PARG: variants seen among roughly 807,000 people sequenced by gnomAD.
The protein encoded by PARG is poly(ADP-ribose) glycohydrolase, also known as mitochondrial poly(ADP-ribose) glycohydrolase.
Under a neutral mutation model 113.0 loss-of-function variants are expected in PARG, and 35 were observed. The ratio of observed to expected loss-of-function variants is 0.31; its 90% CI spans 0.24 to 0.41. The LOEUF (loss-of-function observed/expected upper bound fraction) is 0.41, where lower values mean the gene tolerates loss of function less well. PARG is among the 10% of genes least tolerant of loss of function. The pLI is 1.00. For missense variants in PARG, 797 were observed against 1,169.4 expected (o/e 0.68, Z 4.64); for synonymous variants, 330 against 409.9 (o/e 0.81, Z 2.36).
intron 16 of PARG, 111 bp downstream of exon 16, chr10:49,832,692 C>A: frequency 1.8e-6 from 1 of 566,440 alleles, no homozygotes; most frequent in Non-Finnish European, 3.2e-6. Context: ...ATTCCTTTTC[C>A]TTTTCTCTTA....
intron 16 of PARG, among the ~76,000 whole-genome samples, chr10:49,824,477 TG>T (rs1776556107): frequency 6.6e-6 from 1 of 152,196 alleles, no homozygotes; most frequent in South Asian, 2.1e-4. Flanking sequence ...TAAATTAACC[TG>T]CAGGGAGCTT....
At position 49,941,986 on chromosome 10, in the gene PARG, G is replaced by T; in HGVS notation, c.-261C>A. The T allele has an allele frequency of 1.1e-6, 1 of 909,190 alleles. No homozygotes were observed. The highest frequency in any genetic ancestry group is 1.7e-6 in the Non-Finnish European group (1 of 584,624). 56.3% of individuals were successfully genotyped at this position (909,190 alleles called of 1,614,324 possible). On this transcript the variant is annotated 5_prime_UTR_variant, in exon 1 of 18. Transcript: ENST00000616448. ...GGATTCGTTCACTTTCCCACCACCG[G>T]AAAGCTGCCGTCAGGCGCTTCCGGC...
Position 49,932,165 on chromosome 10 carries a change from T to C in PARG, c.1390A>G (p.Met464Val). ...LGTPIEEMRR[M>V]PRCGIRLPLL... ...GGCAGCCGGATCCCACACCGAGGCA[T>C]TCTTCTCATCTCCTCAATGGGAGTT... Residue 464 changes from methionine to valine, a missense_variant, in exon 4 of 18, where the codon ATG becomes GTG. Met to Val is a conservative substitution (Grantham distance 21). This residue lies in a region of PARG where 252 missense variants were observed against 437.4 expected (regional missense o/e 0.58). Coordinates refer to ENST00000616448, the MANE Select transcript of PARG (RefSeq NM_003631.5). The C allele has an allele frequency of 1.9e-6, 3 of 1,607,080 alleles. No individual in the cohort carries two copies. Among genetic ancestry groups the C allele is most frequent in the Non-Finnish European group, 2.6e-6 (3 of 1,173,552 alleles).
At chr10:49,835,159 G>A (rs782534682) in intron 15 of PARG, among the ~76,000 whole-genome samples, 1 of 152,128 alleles carries the variant, frequency 6.6e-6, no homozygotes, top group Non-Finnish European at 1.5e-5. Flanking sequence ...GATAAGGATA[G>A]AGACCTTAAA....
At position 49,906,159 on chromosome 10, in the gene PARG, T is replaced by C. The variant is rs141928359; in HGVS notation, c.1737+9758A>G. 9.5e-3 allele frequency among the ~76,000 whole-genome samples: 1,353 copies of C among 142,058 alleles called. 15 individuals carry two copies. Among genetic ancestry groups the C allele is most frequent in the Non-Finnish European group, 0.015 (939 of 63,834 alleles). 93.2% of individuals were successfully genotyped at this position (142,058 alleles called of 152,430 possible). On this transcript the variant is annotated intron_variant, in intron 7 of 17. Transcript: ENST00000616448. ...GATGCTGCCGCTTTTTTTTTTTTTT[T>C]CCCAGTAGAAACAGGGTTTCACCAT...
chr10:49,920,595 C>T (rs1365356025), intron 6 of PARG, among the ~76,000 whole-genome samples: 1 of 133,146 alleles, frequency 7.5e-6, no homozygotes, highest in South Asian at 2.4e-4. Context: ...CACATATATA[C>T]ATATATACGT....
chr10:49,821,571 G>A (rs1380907701), intron 16 of PARG, among the ~76,000 whole-genome samples: 4 of 152,050 alleles, frequency 2.6e-5, no homozygotes, highest in African/African-American at 7.2e-5. Context: ...GTAAAGACAC[G>A]GTTTCACCAT....
At chr10:49,845,621 G>A (rs1469493635) in intron 13 of PARG, among the ~76,000 whole-genome samples, 4 of 152,108 alleles carry the variant, frequency 2.6e-5, no homozygotes, top group Non-Finnish European at 4.4e-5. Context: ...ATGTGGCTAA[G>A]CACAGTGGCT....
At chr10:49,865,825 T>A (rs556626679) in intron 10 of PARG, among the ~76,000 whole-genome samples, 1 of 150,932 alleles carries the variant, frequency 6.6e-6, no homozygotes, top group African/African-American at 2.4e-5. Context: ...TAACCCTACA[T>A]TCAAAGACTG....
intron 7 of PARG, among the ~76,000 whole-genome samples, chr10:49,898,244 T>C (rs1469283000): frequency 6.6e-6 from 1 of 152,280 alleles, no homozygotes; most frequent in African/African-American, 2.4e-5. Flanking sequence ...AATAGTGTTT[T>C]ATGAATTCTA....
At chr10:49,857,789 TTCAAAG>T (rs1205869828) in intron 12 of PARG, among the ~76,000 whole-genome samples, 1 of 147,542 alleles carries the variant, frequency 6.8e-6, no homozygotes, top group East Asian at 2.0e-4. Context: ...CTGGGAAGGT[TTCAAAG>T]TCATTCTCCC....
chr10:49,821,095 C>T (rs1844052606), intron 16 of PARG, among the ~76,000 whole-genome samples: 1 of 152,072 alleles, frequency 6.6e-6, no homozygotes, highest in African/African-American at 2.4e-5. Context: ...CTCCACTGGC[C>T]ACTGCAGAAC....
intron 7 of PARG, among the ~76,000 whole-genome samples, chr10:49,911,555 C>T (rs1360407082): frequency 6.6e-6 from 1 of 152,196 alleles, no homozygotes; most frequent in Non-Finnish European, 1.5e-5. Flanking sequence ...TTGCAGAAAA[C>T]ACTAAATAAC....
At chr10:49,839,339 A>G (rs1482894324) in intron 15 of PARG, among the ~76,000 whole-genome samples, 2 of 152,052 alleles carry the variant, frequency 1.3e-5, no homozygotes, top group African/African-American at 4.8e-5. Context: ...CCGTCTCAAA[A>G]AAAAAAAAAA....
chr10:49,939,521 A>G (rs1199748267), intron 1 of PARG, among the ~76,000 whole-genome samples: 1 of 152,262 alleles, frequency 6.6e-6, no homozygotes, highest in Non-Finnish European at 1.5e-5. Context: ...TGTGGGTTGC[A>G]GTTAGAAAAG....
chr10:49,913,517 C>G (rs1554846846), intron 7 of PARG, among the ~76,000 whole-genome samples: 1 of 152,094 alleles, frequency 6.6e-6, no homozygotes, highest in Non-Finnish European at 1.5e-5. Context: ...TATATATGGG[C>G]AAAGACTTAA....
chr10:49,820,394 A>C, intron 16 of PARG, 101 bp from the exon 17 acceptor site: 1 of 789,428 alleles, frequency 1.3e-6, no homozygotes, highest in Non-Finnish European at 2.0e-6. Context: ...CCTAGATTAA[A>C]GATTTATAAA....
chr10:49,845,234 G>A (rs1446791382), intron 13 of PARG, among the ~76,000 whole-genome samples: 9 of 152,096 alleles, frequency 5.9e-5, no homozygotes, highest in African/African-American at 1.4e-4. Context: ...AAACATACAC[G>A]TAACCTTTGA....
chr10:49,914,128 A>G (rs1837339852), intron 7 of PARG, among the ~76,000 whole-genome samples: 1 of 152,210 alleles, frequency 6.6e-6, no homozygotes, highest in South Asian at 2.1e-4. Flanking sequence ...TTAAGAAGAG[A>G]GAAACAAATG....
Sources: allele counts gnomAD v4.1 joint callset (sites outside exome capture counted in the v4.1 genomes callset), GRCh38; gene constraint gnomAD v4.1.1; regional missense constraint gnomAD v4.1.1; transcripts MANE v1.5; gene names NCBI Gene and HGNC (gene_info 2026-07-23, HGNC 2026-07-21).